The following KCNQ3 variants were observed in gnomAD, a reference collection of about 807,000 sequenced individuals.
KCNQ3 encodes the protein potassium voltage-gated channel subfamily KQT member 3.
Under a neutral mutation model 92.5 loss-of-function variants are expected in KCNQ3, and 30 were observed. The ratio of observed to expected loss-of-function variants is 0.32; its 90% confidence interval spans 0.24 to 0.44. The LOEUF (loss-of-function observed/expected upper bound fraction) is 0.44. Among genes scored for constraint, KCNQ3 ranks in the 20% least tolerant of loss-of-function variants. The pLI, the probability that KCNQ3 is intolerant of heterozygous loss-of-function variation, is 1.00. For missense variants in KCNQ3, 913 were observed against 1,140.3 expected (o/e 0.80, Z 2.87); for synonymous variants, 450 against 468.8 (o/e 0.96, Z 0.52).
At chr8:132,422,324 C>A (rs979324546) in intron 1 of KCNQ3, among the ~76,000 whole-genome samples, 1 of 152,146 alleles carries the variant, frequency 6.6e-6, no homozygotes, top group East Asian at 1.9e-4. Context: ...GAACTCAAGT[C>A]CAGCCACCAC....
chr8:132,256,848 A>G (rs537374819), intron 1 of KCNQ3, among the ~76,000 whole-genome samples: 2 of 152,340 alleles, frequency 1.3e-5, no homozygotes, highest in East Asian at 3.9e-4. Context: ...GCAGACCTTC[A>G]CTACAAGAAA....
rs1824733605 is a variant in KCNQ3 at position 132,128,232 on chromosome 8, G to T, written c.*1030C>A. ...GACTTTTGAGTCCTGGTTCTCTATG[G>T]GACAACTGAGTGACTCTGGGTATGT... On this transcript the variant is annotated 3_prime_UTR_variant, in exon 15 of 15. Transcript: ENST00000388996. The T allele has an allele frequency of 6.6e-6, 1 of 152,074 alleles. No homozygotes were observed. Among genetic ancestry groups the T allele is most frequent in the African/African-American group, 2.4e-5 (1 of 41,382 alleles). 9.4% of individuals were successfully genotyped at this position (152,074 alleles called of 1,614,324 possible). A position where few individuals can be genotyped will look rare whatever the true frequency, so the allele number is the denominator to read the frequency against.
chr8:132,206,756 G>T (rs1211602348), intron 1 of KCNQ3, among the ~76,000 whole-genome samples: 1 of 151,546 alleles, frequency 6.6e-6, no homozygotes, highest in African/African-American at 2.4e-5. Context: ...GTCTGGTTAC[G>T]GTTTTTCATT....
rs761576731 is a variant in KCNQ3, at chr8:132,140,120, G to A, written c.1524C>T (p.Ile508=). ...CCTTCAGGGTGGGGATCATGTCTTC[G>A]ATGGGGAAGTCATTCCCATAGCCCC... ...EDRGYGNDFP[I]EDMIPTLKAA... The change falls in exon 11 of 15, where the codon ATC becomes ATT. Residue 508 remains isoleucine, a synonymous_variant. Coordinates refer to ENST00000388996, the MANE Select transcript of KCNQ3 (RefSeq NM_004519.4). 6 of 1,611,704 alleles carry A rather than the reference G, an allele frequency of 3.7e-6. No homozygotes were observed. Among genetic ancestry groups the A allele is most frequent in the Admixed American group, 1.7e-5 (1 of 59,786 alleles).
intron 1 of KCNQ3, among the ~76,000 whole-genome samples, chr8:132,434,490 T>C (rs1821342298): frequency 6.6e-6 from 1 of 152,174 alleles, no homozygotes; most frequent in African/African-American, 2.4e-5. Context: ...TGGCACATAG[T>C]AGATGCTGGA....
chr8:132,254,849 A>C lies in KCNQ3; in HGVS notation c.387-68668T>G, dbSNP rs1183617516. 2.6e-5 allele frequency among the ~76,000 whole-genome samples: 4 copies of C among 152,330 alleles called. No individual in the cohort carries two copies. The East Asian group carries it at 7.7e-4, about 29-fold the overall frequency. On this transcript the variant is annotated intron_variant, in intron 1 of 14. Transcript: ENST00000388996. ...GGCAGAGATTGCACCATTGCACTCC[A>C]GCCTGGGTGACAATGAGACTGTCTC...
At chr8:132,461,127 G>A (rs1822049956) in intron 1 of KCNQ3, among the ~76,000 whole-genome samples, 1 of 152,126 alleles carries the variant, frequency 6.6e-6, no homozygotes, top group African/African-American at 2.4e-5. Flanking sequence ...ACAATGGTTT[G>A]TTTATCCATT....
intron 1 of KCNQ3, among the ~76,000 whole-genome samples, chr8:132,210,142 A>C (rs920769267): frequency 6.6e-6 from 1 of 152,106 alleles, no homozygotes; most frequent in African/African-American, 2.4e-5. Flanking sequence ...TCTTTAATCC[A>C]CACATCTTCT....
chr8:132,453,443 T>C (rs1821867706), intron 1 of KCNQ3, among the ~76,000 whole-genome samples: 1 of 152,082 alleles, frequency 6.6e-6, no homozygotes, highest in South Asian at 2.1e-4. Flanking sequence ...CTGGAATTAT[T>C]ATGTGGGGAC....
Position 132,320,006 on chromosome 8 carries a change from T to G in KCNQ3, c.387-133825A>C, listed in dbSNP as rs561720260. On this transcript the variant is annotated intron_variant, in intron 1 of 14. Coordinates refer to ENST00000388996, the MANE Select transcript of KCNQ3 (RefSeq NM_004519.4). ...CTTCTTGAACTACCTGGTGAATGAATGAATGAAATAAAAAATGAATAAATG... is the reference window on the plus strand; with the variant it reads ...CTTCTTGAACTACCTGGTGAATGAAGGAATGAAATAAAAAATGAATAAATG... Among the ~76,000 whole-genome samples, 15 of 152,310 alleles carry G rather than the reference T, an allele frequency of 9.8e-5. No individual in the cohort carries two copies. In the South Asian group the frequency reaches 1.5e-3, roughly 15 times the overall value.
chr8:132,124,997 T>C lies in KCNQ3; in HGVS notation c.*4265A>G, dbSNP rs1488105125. 1 of 152,216 alleles carries C rather than the reference T, an allele frequency of 6.6e-6. No individual in the cohort carries two copies. The highest frequency in any genetic ancestry group is 1.5e-5 in the Non-Finnish European group (1 of 68,036). The allele number at this position is 152,216 out of a possible 1,614,324, so 9.4% of individuals were successfully genotyped here. On this transcript the variant is annotated 3_prime_UTR_variant, in exon 15 of 15. Transcript: ENST00000388996. ...TCCCATAAGTAGAGTAACATCTTTC[T>C]CTTGAAATAGGTGCTGTGTCATAGT...
chr8:132,419,471 C>G (rs749949986), intron 1 of KCNQ3, among the ~76,000 whole-genome samples: 1 of 152,174 alleles, frequency 6.6e-6, no homozygotes, highest in African/African-American at 2.4e-5. Context: ...CAAAAAACAT[C>G]CAGTGCCTGA....
chr8:132,461,971 T>C (rs538704068), intron 1 of KCNQ3, among the ~76,000 whole-genome samples: 1 of 152,304 alleles, frequency 6.6e-6, no homozygotes, highest in South Asian at 2.1e-4. Context: ...CAGTGGCTTG[T>C]CTTTTCATTG....
At chr8:132,315,968 G>A (rs990031059) in intron 1 of KCNQ3, among the ~76,000 whole-genome samples, 2 of 152,128 alleles carry the variant, frequency 1.3e-5, no homozygotes, top group African/African-American at 2.4e-5. Context: ...TGAATATAGC[G>A]CAATGAATAT....
chr8:132,207,640 T>C (rs17595739), intron 1 of KCNQ3, among the ~76,000 whole-genome samples: 42,060 of 151,872 alleles, frequency 0.28, 7,065 homozygotes, highest in Middle Eastern at 0.4. Context: ...CCCTGGAGAC[T>C]TTTTTCACTC....
intron 7 of KCNQ3, among the ~76,000 whole-genome samples, chr8:132,172,126 G>A (rs1368164910): frequency 6.6e-6 from 1 of 151,984 alleles, no homozygotes; most frequent in Non-Finnish European, 1.5e-5. Context: ...GATGGAGGCT[G>A]CAGTGAGCTA....
At chr8:132,368,407 C>T (rs151155469) in intron 1 of KCNQ3, among the ~76,000 whole-genome samples, 2 of 152,240 alleles carry the variant, frequency 1.3e-5, no homozygotes, top group East Asian at 3.9e-4. Context: ...AATCCCAGCA[C>T]TTGAGGAAGC....
rs1826402159 is a variant in KCNQ3, at chr8:132,172,429, C to CACACACAG, written c.1140+161_1140+168dup. On this transcript the variant is annotated intron_variant, in intron 7 of 14. Transcript: ENST00000388996. The stretch of plus-strand genomic sequence containing the variant: ...ACACACACACACACACACACACACA[C>CACACACAG]ACACACAGACACACAAGACACACAG... Among the ~76,000 whole-genome samples the CACACACAG allele has an allele frequency of 5.3e-5, 8 of 151,798 alleles. No homozygotes were observed. The South Asian group carries it at 1.7e-3, about 32-fold the overall frequency.
chr8:132,360,575 C>T (rs1819137087), intron 1 of KCNQ3, among the ~76,000 whole-genome samples: 1 of 152,202 alleles, frequency 6.6e-6, no homozygotes, highest in Admixed American at 6.5e-5. Context: ...GGCGCCACCT[C>T]CAGCCCAGCC....
Sources: allele counts gnomAD v4.1 joint callset (sites outside exome capture counted in the v4.1 genomes callset), GRCh38; gene constraint gnomAD v4.1.1; transcripts MANE v1.5; gene names NCBI Gene and HGNC (gene_info 2026-07-23, HGNC 2026-07-21).